FAM120A: variants seen among roughly 807,000 people sequenced by gnomAD.
FAM120A encodes constitutive coactivator of PPAR-gamma-like protein 1.
In FAM120A, 15 loss-of-function variants were observed where a neutral mutation model predicts 109.7. The observed-to-expected ratio is 0.14, with a 90% CI of 0.09 to 0.21. FAM120A has a LOEUF of 0.21. FAM120A is among the 10% of genes least tolerant of loss of function. The pLI, the probability that FAM120A is intolerant of heterozygous loss-of-function variation, is 1.00. For missense variants in FAM120A, 899 were observed against 1,439.3 expected (o/e 0.62, Z 6.07); for synonymous variants, 493 against 572.8 (o/e 0.86, Z 1.99).
Position 93,543,424 on chromosome 9 carries a change from C to T in FAM120A, c.2112C>T (p.Asn704=). The T allele has an allele frequency of 6.2e-7, 1 of 1,614,174 alleles. No homozygotes were observed. The change falls in exon 11 of 18, where the codon AAC becomes AAT. Residue 704 remains asparagine (N), a synonymous_variant. Transcript: ENST00000277165. ...GGTCGGACACCCCAGCCATGCTCAA[C>T]CCTGCCAACGTGCCCACTCACCTCA... ...CMRSDTPAML[N]PANVPTHLMV... is the part of the protein sequence containing the mutation.
chr9:93,557,320 G>A lies in FAM120A; in HGVS notation c.2485-507G>A, dbSNP rs190317403. On this transcript the variant is annotated intron_variant, in intron 13 of 17. Transcript: ENST00000277165. ...AATTTTTGTATTTTTAGTAGAGACG[G>A]TGTTTTGCTATGTTGGTCAGGCTGG... 1.1e-4 allele frequency among the ~76,000 whole-genome samples: 17 copies of A among 152,090 alleles called. No individual in the cohort carries two copies. The East Asian group carries it at 3.3e-3, about 29-fold the overall frequency.
chr9:93,556,357 A>T (rs374722783), intron 12 of FAM120A, 25 bp from the exon 13 acceptor site: 2 of 1,587,448 alleles, frequency 1.3e-6, no homozygotes, highest in African/African-American at 1.3e-5. Context: ...CTTATTCCAT[A>T]GAAATTACTC....
chr9:93,529,242 C>T (rs1464128416), intron 8 of FAM120A, 111 bp from the exon 9 acceptor site: 3 of 945,448 alleles, frequency 3.2e-6, no homozygotes, highest in Non-Finnish European at 4.6e-6. Context: ...TAAGACAGGA[C>T]TCATCTTTGT....
chr9:93,516,996 AC>A (rs1860626382), intron 7 of FAM120A, among the ~76,000 whole-genome samples: 1 of 152,194 alleles, frequency 6.6e-6, no homozygotes, highest in South Asian at 2.1e-4. Flanking sequence ...AGCGCAGATA[AC>A]CAGGGCTGGT....
At chr9:93,488,467 C>T (rs909026120) in intron 3 of FAM120A, among the ~76,000 whole-genome samples, 3 of 151,966 alleles carry the variant, frequency 2.0e-5, no homozygotes, top group South Asian at 2.1e-4. Flanking sequence ...TTGCCTCCTA[C>T]GGGTTCCATC....
At chr9:93,469,924 T>G (rs1858234877) in intron 1 of FAM120A, among the ~76,000 whole-genome samples, 1 of 152,222 alleles carries the variant, frequency 6.6e-6, no homozygotes, top group Non-Finnish European at 1.5e-5. Context: ...TGAGGTCCAT[T>G]CTACAGTGAT....
intron 10 of FAM120A, among the ~76,000 whole-genome samples, chr9:93,537,595 G>T (rs1407591023): frequency 6.6e-6 from 1 of 151,878 alleles, no homozygotes; most frequent in Non-Finnish European, 1.5e-5. Context: ...AAGTTTATAG[G>T]TGAGTACTAT....
At chr9:93,513,736 A>C (rs1272815608) in intron 5 of FAM120A, among the ~76,000 whole-genome samples, 1 of 152,110 alleles carries the variant, frequency 6.6e-6, no homozygotes, top group Non-Finnish European at 1.5e-5. Context: ...GTCAACAATG[A>C]TCTGTGCTTC....
chr9:93,473,372 C>G (rs569034622), intron 2 of FAM120A, among the ~76,000 whole-genome samples: 1 of 152,210 alleles, frequency 6.6e-6, no homozygotes, highest in Non-Finnish European at 1.5e-5. Context: ...GTGGTGCAAT[C>G]TCGGCTCACT....
chr9:93,455,384 C>G (rs1047824153), intron 1 of FAM120A, among the ~76,000 whole-genome samples: 6 of 152,130 alleles, frequency 3.9e-5, no homozygotes, highest in South Asian at 2.1e-4. Flanking sequence ...CAGGAGAGAT[C>G]TTTGTGGAGT....
intron 11 of FAM120A, among the ~76,000 whole-genome samples, chr9:93,547,132 G>A (rs899346090): frequency 4.6e-5 from 7 of 152,216 alleles, no homozygotes; most frequent in African/African-American, 7.2e-5. Context: ...GTGTGAGGGT[G>A]CAGGCTGAGG....
At chr9:93,479,947 TTAAATCATTGGG>T in intron 3 of FAM120A, among the ~76,000 whole-genome samples, 1 of 152,264 alleles carries the variant, frequency 6.6e-6, no homozygotes. Context: ...AGAACAACTG[TTAAATCATTGGG>T]TAATATCTGC....
Position 93,452,676 on chromosome 9 carries a change from T to C in FAM120A, c.474+287T>C, listed in dbSNP as rs1301725385. On this transcript the variant is annotated intron_variant, in intron 1 of 17. Coordinates refer to ENST00000277165, the MANE Select transcript of FAM120A (RefSeq NM_014612.5). The surrounding 1 kb of genome is among the most constrained non-coding windows in gnomAD (Gnocchi z 7.0). ...CCGGACCAGAATTCGGAGGCGACAG[T>C]GTCATCATCCCCAATATCCTTAGTT... 1 of 1,598,794 alleles carries C rather than the reference T, an allele frequency of 6.3e-7. No individual in the cohort carries two copies. Among genetic ancestry groups the C allele is most frequent in the Non-Finnish European group, 8.5e-7 (1 of 1,179,894 alleles).
intron 12 of FAM120A, among the ~76,000 whole-genome samples, chr9:93,552,275 A>G (rs1862127650): frequency 6.6e-6 from 1 of 152,178 alleles, no homozygotes. Context: ...TTGAAAAACA[A>G]TCACACTCTA....
intron 7 of FAM120A, among the ~76,000 whole-genome samples, chr9:93,517,508 T>C (rs1860652156): frequency 1.3e-5 from 2 of 152,222 alleles, no homozygotes; most frequent in African/African-American, 4.8e-5. Context: ...GAAGCCCTTA[T>C]GTGCCAGATT....
chr9:93,565,975 G>A lies in FAM120A; in HGVS notation c.*1435G>A, dbSNP rs1862618938. ...CTTACTGTAAGTTGAAGGGAGTTTT[G>A]CCCTAACTCATGGATTGTGCAAGAA... On this transcript the variant is annotated 3_prime_UTR_variant, in exon 18 of 18. Transcript: ENST00000277165. The A allele has an allele frequency of 6.6e-6, 1 of 152,638 alleles. No homozygotes were observed. The highest frequency in any genetic ancestry group is 2.1e-4 in the South Asian group (1 of 4,834). 9.5% of individuals were successfully genotyped at this position (152,638 alleles called of 1,614,324 possible).
rs772805910 is a variant in FAM120A, at chr9:93,543,454, G to C, written c.2142G>C (p.Val714=). The part of the protein sequence containing the change: ...NPANVPTHLM[V]LCCVLRYMVQ... The stretch of plus-strand genomic sequence containing the variant: ...CCAACGTGCCCACTCACCTCATGGT[G>C]CTCTGCTGCGTCTTACGGTGGGTGC... Residue 714 remains valine (V), a synonymous_variant, in exon 11 of 18, where the codon GTG becomes GTC. Coordinates refer to ENST00000277165, the MANE Select transcript of FAM120A (RefSeq NM_014612.5). 1 of 1,614,152 alleles carries C rather than the reference G, an allele frequency of 6.2e-7. No individual in the cohort carries two copies. Among genetic ancestry groups the C allele is most frequent in the South Asian group, 1.1e-5 (1 of 91,076 alleles).
chr9:93,513,995 G>C (rs762981435), intron 5 of FAM120A, among the ~76,000 whole-genome samples: 16 of 152,282 alleles, frequency 1.1e-4, no homozygotes, highest in Non-Finnish European at 1.8e-4. Flanking sequence ...GTTTTCCTCT[G>C]ATTTCATACT....
intron 3 of FAM120A, among the ~76,000 whole-genome samples, chr9:93,494,065 G>T (rs1035145636): frequency 2.0e-5 from 3 of 152,176 alleles, no homozygotes; most frequent in Non-Finnish European, 4.4e-5. Flanking sequence ...GGCAGTAGGC[G>T]TCCTCCTGTG....
Sources: gnomAD v4.1 joint callset for allele counts (sites outside exome capture counted in the v4.1 genomes callset) on GRCh38, gnomAD v4.1.1 for gene constraint, Gnocchi (gnomAD v3.1) non-coding constraint, MANE v1.5 for transcripts, NCBI Gene and HGNC (gene_info 2026-07-23, HGNC 2026-07-21) for gene names.